Variants in SOHLH2 observed in about 807,000 individuals in gnomAD.
The protein encoded by SOHLH2 is spermatogenesis and oogenesis specific basic helix-loop-helix 2, also known as spermatogenesis- and oogenesis-specific basic helix-loop-helix-containing protein 2.
A neutral mutation model predicts 50.4 loss-of-function variants in SOHLH2; 22 were observed. The observed-to-expected ratio is 0.44, with a 90% CI of 0.31 to 0.62. The LOEUF is 0.62. Ranked by LOEUF, SOHLH2 falls within the 20% of genes least tolerant of loss-of-function variation. The pLI, the probability that SOHLH2 is intolerant of heterozygous loss-of-function variation, is 0.08. For synonymous variants in SOHLH2, 185 were observed against 187.3 expected (o/e 0.99, Z 0.10); for missense variants, 412 against 504.4 (o/e 0.82, Z 1.76).
At chr13:36,210,993 T>C (rs901089250) in intron 1 of SOHLH2, among the ~76,000 whole-genome samples, 1 of 152,166 alleles carries the variant, frequency 6.6e-6, no homozygotes, top group Non-Finnish European at 1.5e-5. Context: ...ATCTCCACCA[T>C]AGCATGTGAT....
intron 9 of SOHLH2, among the ~76,000 whole-genome samples, chr13:36,173,103 A>G (rs9602371): frequency 0.21 from 31,620 of 152,108 alleles, 3,499 homozygotes; most frequent in Middle Eastern, 0.26. Flanking sequence ...ACATAATGAG[A>G]TTTCTTGAGC....
At chr13:36,197,042 A>G (rs1769903282) in intron 2 of SOHLH2, among the ~76,000 whole-genome samples, 1 of 152,232 alleles carries the variant, frequency 6.6e-6, no homozygotes. Context: ...AAACAAAACT[A>G]AGCAATGCAA....
chr13:36,203,054 C>T (rs560191030), intron 1 of SOHLH2, among the ~76,000 whole-genome samples: 66 of 152,334 alleles, frequency 4.3e-4, no homozygotes, highest in African/African-American at 1.5e-3. Context: ...GCACTTCCAC[C>T]TGCTCACCTA....
At chr13:36,193,556 T>C in intron 4 of SOHLH2, 65 bp downstream of exon 4, 1 of 1,494,052 alleles carries the variant, frequency 6.7e-7, no homozygotes, top group Admixed American at 2.2e-5. Context: ...TTTGTCAGAA[T>C]ATATGAGCAG....
rs185543607 is a variant in SOHLH2 at position 36,203,814 on chromosome 13, A to C, written c.49-1721T>G. Among the ~76,000 whole-genome samples, 13 of 152,272 alleles carry C rather than the reference A, an allele frequency of 8.5e-5. No individual in the cohort carries two copies. The East Asian group carries it at 2.5e-3, about 29-fold the overall frequency. ...TTTTATTATCACATATTTATCATGC[A>C]TGCCCATTTACTCCCTTTGCTCACC... On this transcript the variant is annotated intron_variant, in intron 1 of 10. Transcript: ENST00000379881.
intron 5 of SOHLH2, among the ~76,000 whole-genome samples, chr13:36,190,308 C>T (rs1887537458): frequency 6.6e-6 from 1 of 152,050 alleles, no homozygotes; most frequent in Non-Finnish European, 1.5e-5. Flanking sequence ...AAATTGTTAA[C>T]AATACATACA....
Position 36,201,883 on chromosome 13 carries a change from T to C in SOHLH2, c.259A>G (p.Ile87Val), listed in dbSNP as rs777267113. ...ATCAAGGCTTTTGAAGTTTACCTAA[T>C]TAACTTGATGGCTTCCAGCTCCTCG... is the stretch of plus-strand genomic sequence containing the variant. ...SAEELEAIKL[I>V]RFGKKKNTHS... Residue 87 changes from isoleucine to valine, a missense_variant, in exon 2 of 11, where the codon ATT becomes GTT. Ile to Val is a conservative substitution (Grantham distance 29, BLOSUM62 3). Transcript: ENST00000379881. 85 of 1,614,118 alleles carry C rather than the reference T, an allele frequency of 5.3e-5. No homozygotes were observed. The highest frequency in any genetic ancestry group is 7.2e-5 in the Non-Finnish European group (85 of 1,180,042).
intron 2 of SOHLH2, among the ~76,000 whole-genome samples, chr13:36,196,124 ATAATTT>A (rs1887720142): frequency 7.5e-6 from 1 of 134,150 alleles, no homozygotes; most frequent in Non-Finnish European, 1.6e-5. Flanking sequence ...AGATAGATAG[ATAATTT>A]TTTTTTTTTT....
chr13:36,170,446 A>G, intron 10 of SOHLH2, 85 bp downstream of exon 10: 1 of 1,505,432 alleles, frequency 6.6e-7, no homozygotes, highest in Non-Finnish European at 8.9e-7. Context: ...TTCCAACCAG[A>G]GTAGCAACAA....
chr13:36,191,458 T>A (rs1254169780), intron 5 of SOHLH2, among the ~76,000 whole-genome samples: 1 of 152,174 alleles, frequency 6.6e-6, no homozygotes, highest in Non-Finnish European at 1.5e-5. Flanking sequence ...GGGTTCCATG[T>A]AAAATTTTTG....
rs370513301 is a variant in SOHLH2, at chr13:36,170,717, C to G, written c.1071G>C (p.Leu357=). The change falls in exon 10 of 11, where the codon CTG becomes CTC. Residue 357 remains leucine, a synonymous_variant. Coordinates refer to ENST00000379881, the MANE Select transcript of SOHLH2 (RefSeq NM_017826.3). ...PYKTHISSAA[L]SLNSLHTVRY... is the part of the protein sequence containing the mutation. ...TGACAGTATGCAAGGAATTCAGAGA[C>G]AGCGCTGCACTGGAAATGTGAGTTT... 3 of 1,614,076 alleles carry G rather than the reference C, an allele frequency of 1.9e-6. No individual in the cohort carries two copies. Among genetic ancestry groups the G allele is most frequent in the East Asian group, 2.2e-5 (1 of 44,902 alleles).
At position 36,174,858 on chromosome 13, in the gene SOHLH2, T is replaced by G. The variant is rs1887059698; in HGVS notation, c.653A>C (p.Lys218Thr). 2 of 1,576,284 alleles carry G rather than the reference T, an allele frequency of 1.3e-6. No individual in the cohort carries two copies. Among genetic ancestry groups the G allele is most frequent in the East Asian group, 4.5e-5 (2 of 44,734 alleles). Residue 218 changes from lysine (K) to threonine (T), a missense_variant, in exon 7 of 11, where the codon AAA becomes ACA. Physicochemically the swap from Lys to Thr is moderately conservative, Grantham distance 78. Transcript: ENST00000379881. The stretch of plus-strand genomic sequence containing the variant: ...AGTACGCAGCTGCTCACAGCAATAT[T>G]TGATTCTTTCCCTGGACACAGAATT... ...SKEKLRRERIKYCCEQLRTLL... is the reference protein window; with the variant it reads ...SKEKLRRERITYCCEQLRTLL...
chr13:36,178,708 G>A (rs943706863), intron 6 of SOHLH2, among the ~76,000 whole-genome samples: 5 of 152,030 alleles, frequency 3.3e-5, no homozygotes, highest in Non-Finnish European at 4.4e-5. Context: ...GGTGAGAACT[G>A]AGATCTTAAC....
In SOHLH2 at chr13:36,168,654, G is replaced by A. The variant is rs995029390; in HGVS notation, c.*380C>T. On this transcript the variant is annotated 3_prime_UTR_variant, in exon 11 of 11. Transcript: ENST00000379881. ...TAATATCTGTACTCAGTGACACAAG[G>A]TATCAACACACCTTCCCAATCTAAT... 2 of 241,046 alleles carry A rather than the reference G, an allele frequency of 8.3e-6. No homozygotes were observed. The highest frequency in any genetic ancestry group is 1.6e-5 in the Non-Finnish European group (2 of 126,740). 14.9% of individuals were successfully genotyped at this position (241,046 alleles called of 1,614,324 possible). A position where few individuals can be genotyped will look rare whatever the true frequency, so the allele number is the denominator to read the frequency against.
intron 2 of SOHLH2, among the ~76,000 whole-genome samples, chr13:36,200,717 C>G (rs1011145811): frequency 6.6e-6 from 1 of 152,068 alleles, no homozygotes; most frequent in Non-Finnish European, 1.5e-5. Flanking sequence ...ACTCTCCCAC[C>G]ACTGGGCTCC....
intron 2 of SOHLH2, among the ~76,000 whole-genome samples, chr13:36,196,852 A>T (rs1297102213): frequency 1.3e-5 from 2 of 152,144 alleles, no homozygotes; most frequent in Non-Finnish European, 2.9e-5. Flanking sequence ...ATTACCAAAC[A>T]CACACTCCCC....
At chr13:36,192,060 A>G (rs1887589304) in intron 4 of SOHLH2, among the ~76,000 whole-genome samples, 166 bp from the exon 5 acceptor site, 2 of 152,256 alleles carry the variant, frequency 1.3e-5, no homozygotes, top group Admixed American at 1.3e-4. Context: ...TGTGAAATAT[A>G]AAACCACCTA....
chr13:36,182,697 C>G (rs1394754408), intron 6 of SOHLH2: 2 of 152,258 alleles, frequency 1.3e-5, no homozygotes. Context: ...GTTAACACCA[C>G]ACTGAGAAGA....
chr13:36,174,545 T>G lies in SOHLH2; in HGVS notation c.812A>C (p.Asn271Thr). Residue 271 changes from asparagine (N) to threonine (T), a missense_variant, in exon 8 of 11, where the codon AAC (asparagine) becomes ACC (threonine). Coordinates refer to ENST00000379881, the MANE Select transcript of SOHLH2 (RefSeq NM_017826.3). ...MAQITEALQS[N>T]MRFCKKQQTP... ...TTGTTGTTTCTTACAAAACCTCATG[T>G]TGCTCTGAAGTGCTTCTGTAATCTA... 2 of 1,614,232 alleles carry G rather than the reference T, an allele frequency of 1.2e-6. No homozygotes were observed. Among genetic ancestry groups the G allele is most frequent in the South Asian group, 2.2e-5 (2 of 91,082 alleles).
Sources: gnomAD v4.1 joint callset for allele counts (sites outside exome capture counted in the v4.1 genomes callset) on GRCh38, gnomAD v4.1.1 for gene constraint, MANE v1.5 for transcripts, NCBI Gene and HGNC (gene_info 2026-07-23, HGNC 2026-07-21) for gene names.